Variants in YEATS2 observed in about 807,000 individuals in gnomAD.
The protein encoded by YEATS2 is YEATS domain-containing protein 2.
In YEATS2, 77 loss-of-function variants were observed where a neutral mutation model predicts 163.2. The observed-to-expected ratio is 0.47, with a 90% CI of 0.39 to 0.57. The LOEUF (loss-of-function observed/expected upper bound fraction) is 0.57. Among genes scored for constraint, YEATS2 ranks in the 20% least tolerant of loss-of-function variants. YEATS2 has a pLI of 0.00. For synonymous variants in YEATS2, 631 were observed against 645.1 expected, an observed-to-expected ratio of 0.98 and a Z score of 0.33; for missense variants, 1,549 against 1,729.8, an observed-to-expected ratio of 0.90 and a Z score of 1.85.
chr3:183,746,080 G>A (rs749803821), intron 8 of YEATS2, among the ~76,000 whole-genome samples: 2 of 152,006 alleles, frequency 1.3e-5, no homozygotes, highest in Admixed American at 1.3e-4. Context: ...TTTGTTTTTT[G>A]TAGATAGGAT....
At chr3:183,720,290 A>G (rs1716359341) in intron 4 of YEATS2, among the ~76,000 whole-genome samples, 1 of 152,222 alleles carries the variant, frequency 6.6e-6, no homozygotes, top group African/African-American at 2.4e-5. Flanking sequence ...TAATCTGTCT[A>G]AATTCAGGCA....
At chr3:183,795,191 GAAAA>G (rs1201668647) in intron 21 of YEATS2, among the ~76,000 whole-genome samples, 1 of 139,078 alleles carries the variant, frequency 7.2e-6, no homozygotes, top group Non-Finnish European at 1.5e-5. Context: ...AAAAGAAAAA[GAAAA>G]AAAGAATAAA....
At chr3:183,751,995 T>TC (rs1720214470) in intron 9 of YEATS2, 78 bp from the exon 10 acceptor site, 1 of 1,497,238 alleles carries the variant, frequency 6.7e-7, no homozygotes, top group Non-Finnish European at 9.2e-7. Context: ...TCCCGGAGAT[T>TC]ACATTCTTGG....
intron 20 of YEATS2, among the ~76,000 whole-genome samples, chr3:183,787,872 G>A (rs1415155360): frequency 2.0e-5 from 3 of 151,840 alleles, no homozygotes; most frequent in East Asian, 3.9e-4. Context: ...GCGTGGTGAC[G>A]GGCGCCTGTA....
chr3:183,793,179 C>T (rs1724822192), intron 21 of YEATS2: 1 of 1,270,504 alleles, frequency 7.9e-7, no homozygotes, highest in Non-Finnish European at 1.0e-6. Flanking sequence ...CACCGAGATA[C>T]ACACACACAC....
intron 2 of YEATS2, among the ~76,000 whole-genome samples, chr3:183,715,983 A>G (rs1290629895): frequency 6.6e-6 from 1 of 152,126 alleles, no homozygotes; most frequent in Non-Finnish European, 1.5e-5. Context: ...TTTTTGAGAC[A>G]GAGTCTTGCT....
intron 7 of YEATS2, among the ~76,000 whole-genome samples, chr3:183,733,144 A>T (rs536833060): frequency 2.0e-5 from 3 of 152,332 alleles, no homozygotes; most frequent in Admixed American, 6.5e-5. Flanking sequence ...TTCATGTTTG[A>T]TACTGAGTGA....
intron 23 of YEATS2, 101 bp downstream of exon 23, chr3:183,799,090 C>A: frequency 1.1e-6 from 1 of 870,026 alleles, no homozygotes; most frequent in Non-Finnish European, 1.9e-6. Flanking sequence ...CGGGACATTA[C>A]CATAATCTGA....
chr3:183,741,919 T>C lies in YEATS2; in HGVS notation c.924+5090T>C, dbSNP rs1455301982. On this transcript the variant is annotated intron_variant, in intron 8 of 30. Coordinates refer to ENST00000305135, the MANE Select transcript of YEATS2 (RefSeq NM_018023.5). ...TCAAGTCTTACTGTTTTAAGAAATA[T>C]ATTTTGTGGCCAGGCACAGTGGCTC... Among the ~76,000 whole-genome samples the C allele has an allele frequency of 3.3e-5, 5 of 151,862 alleles. No individual in the cohort carries two copies. In the East Asian group the frequency reaches 9.7e-4, roughly 29 times the overall value.
Position 183,697,894 on chromosome 3 carries a change from G to C in YEATS2, c.-119G>C, listed in dbSNP as rs1224040661. 1 of 150,328 alleles carries C rather than the reference G, an allele frequency of 6.7e-6. No homozygotes were observed. Among genetic ancestry groups the C allele is most frequent in the Non-Finnish European group, 1.5e-5 (1 of 66,774 alleles). 9.3% of individuals were successfully genotyped at this position (150,328 alleles called of 1,614,324 possible). Reference sequence around the variant, plus strand: ...TTGCGGGGGTCGCTGGGGCCTTGTGGCGGGGCAGCTCCGCGGGGCTTCGCC... The same window carrying C: ...TTGCGGGGGTCGCTGGGGCCTTGTGCCGGGGCAGCTCCGCGGGGCTTCGCC... On this transcript the variant is annotated 5_prime_UTR_variant, in exon 1 of 31. Coordinates refer to ENST00000305135, the MANE Select transcript of YEATS2 (RefSeq NM_018023.5).
intron 1 of YEATS2, among the ~76,000 whole-genome samples, chr3:183,712,204 T>TTATGTTATGTTATGTTATGTTATG (rs1560220692): frequency 1.9e-5 from 2 of 104,266 alleles, no homozygotes; most frequent in African/African-American, 7.5e-5. Flanking sequence ...TTTATTTTAT[T>TTATGTTATGTTATGTTATGTTATG]TTATTTTATT....
In YEATS2 at chr3:183,718,606, A is replaced by G. The variant is rs755375145; in HGVS notation, c.291+14A>G. Reference sequence around the variant, plus strand: ...AAAGTTTCTGAGGTAAGCATTCCTCATACCCAGTCATTTTCCAGCCACTCA... The same window carrying G: ...AAAGTTTCTGAGGTAAGCATTCCTCGTACCCAGTCATTTTCCAGCCACTCA... On this transcript the variant is annotated intron_variant, in intron 4 of 30. Transcript: ENST00000305135. 2 of 1,586,162 alleles carry G rather than the reference A, an allele frequency of 1.3e-6. No individual in the cohort carries two copies. Among genetic ancestry groups the G allele is most frequent in the South Asian group, 1.1e-5 (1 of 87,040 alleles).
chr3:183,727,695 T>C (rs892468936), intron 6 of YEATS2, among the ~76,000 whole-genome samples: 1 of 152,088 alleles, frequency 6.6e-6, no homozygotes, highest in Admixed American at 6.6e-5. Flanking sequence ...ACAGGGCCCA[T>C]AAAGGGGAGC....
rs1367508107 is a variant in YEATS2, at chr3:183,717,756, G to A, written c.198+8G>A. 1 of 1,480,452 alleles carries A rather than the reference G, an allele frequency of 6.8e-7. No homozygotes were observed. The highest frequency in any genetic ancestry group is 2.6e-5 in the East Asian group (1 of 38,460). The allele number at this position is 1,480,452 out of a possible 1,614,324, so 91.7% of individuals were successfully genotyped here. A position where few individuals can be genotyped will look rare whatever the true frequency, so the allele number is the denominator to read the frequency against. ...ATTGAAGTCATTGACCAGGTATAAT[G>A]ATGATAAATTGAAATAAACACCAAA... is the stretch of plus-strand genomic sequence containing the variant. On this transcript the variant is annotated splice_region_variant and intron_variant, in intron 3 of 30. Coordinates refer to ENST00000305135, the MANE Select transcript of YEATS2 (RefSeq NM_018023.5).
chr3:183,716,112 A>G (rs1715842916), intron 2 of YEATS2, among the ~76,000 whole-genome samples: 1 of 152,078 alleles, frequency 6.6e-6, no homozygotes, highest in East Asian at 1.9e-4. Context: ...GGCACCCGCC[A>G]CCACGCCTTG....
chr3:183,703,855 G>A (rs1427562212), intron 1 of YEATS2, among the ~76,000 whole-genome samples: 1 of 152,016 alleles, frequency 6.6e-6, no homozygotes, highest in Non-Finnish European at 1.5e-5. Flanking sequence ...CTGAAAGTCA[G>A]TTTCATTAAA....
intron 19 of YEATS2, among the ~76,000 whole-genome samples, chr3:183,780,765 T>G (rs1341710450): frequency 6.6e-6 from 1 of 152,214 alleles, no homozygotes; most frequent in Non-Finnish European, 1.5e-5. Context: ...TGGATAAATC[T>G]TTTTTATTAT....
At chr3:183,807,119 T>C in intron 28 of YEATS2, 27 bp downstream of exon 28, 3 of 1,591,570 alleles carry the variant, frequency 1.9e-6, no homozygotes, top group Non-Finnish European at 2.6e-6. Flanking sequence ...TAATAGTTCA[T>C]GCAGCAGACC....
At chr3:183,768,756 T>C (rs1048981843) in intron 15 of YEATS2, among the ~76,000 whole-genome samples, 14 of 152,076 alleles carry the variant, frequency 9.2e-5, no homozygotes, top group African/African-American at 3.4e-4. Context: ...GTAGATCGCC[T>C]GAGGTCGGGA....
Sources: gnomAD v4.1 joint callset for allele counts (sites outside exome capture counted in the v4.1 genomes callset) on GRCh38, gnomAD v4.1.1 for gene constraint, MANE v1.5 for transcripts, NCBI Gene and HGNC (gene_info 2026-07-23, HGNC 2026-07-21) for gene names.